Variants in NPAS3 observed in about 807,000 individuals in gnomAD.
The protein encoded by NPAS3 is neuronal PAS domain protein 3, also known as neuronal PAS domain-containing protein 3.
In NPAS3, 14 loss-of-function variants were observed where a neutral mutation model predicts 73.1. The ratio of observed to expected loss-of-function variants is 0.19; its 90% CI spans 0.13 to 0.30. NPAS3 has a LOEUF of 0.30. Among genes scored for constraint, NPAS3 ranks in the 10% least tolerant of loss-of-function variants. The pLI is 1.00. For missense variants in NPAS3, 1,096 were observed against 1,250.0 expected (o/e 0.88, Z 1.86); for synonymous variants, 620 against 541.5 (o/e 1.14, Z -2.01).
In NPAS3 at chr14:33,220,565, T is replaced by A. The variant is rs75451706; in HGVS notation, c.385+5139T>A. The stretch of plus-strand genomic sequence containing the variant: ...CATGATAGGACAAGCAATGTTTATA[T>A]CACCGCATTTCCCAAGGACTATCAT... On this transcript the variant is annotated intron_variant, in intron 3 of 11. Coordinates refer to ENST00000356141, the Ensembl canonical transcript of NPAS3. 7.1e-3 allele frequency among the ~76,000 whole-genome samples: 1,080 copies of A among 152,320 alleles called. 14 individuals are homozygous for A. Among genetic ancestry groups the A allele is most frequent in the African/African-American group, 0.023 (968 of 41,558 alleles).
At chr14:33,092,436 G>A (rs943722214) in intron 2 of NPAS3, among the ~76,000 whole-genome samples, 5 of 152,248 alleles carry the variant, frequency 3.3e-5, no homozygotes, top group African/African-American at 1.2e-4. Flanking sequence ...TCTTCAAGGA[G>A]AACTACAAAC....
intron 11 of NPAS3, 23 bp downstream of exon 11, chr14:33,797,604 T>C (rs1459914446): frequency 6.2e-7 from 1 of 1,612,894 alleles, no homozygotes; most frequent in East Asian, 2.2e-5. Flanking sequence ...CTTTTCCATG[T>C]TCTTCAGTGA....
At chr14:33,151,001 A>G (rs1042246373) in intron 2 of NPAS3, among the ~76,000 whole-genome samples, 1 of 152,240 alleles carries the variant, frequency 6.6e-6, no homozygotes, top group South Asian at 2.1e-4. Context: ...CTAATACGAT[A>G]TTCCTTGATA....
chr14:33,704,628 T>A (rs529166569), intron 6 of NPAS3, among the ~76,000 whole-genome samples: 1 of 152,340 alleles, frequency 6.6e-6, no homozygotes, highest in South Asian at 2.1e-4. Context: ...AGTGTTTATA[T>A]CACCTGGGGA....
At chr14:33,780,629 A>G (rs1566533772) in intron 9 of NPAS3, 1 of 454,716 alleles carries the variant, frequency 2.2e-6, no homozygotes, top group East Asian at 7.0e-5. Flanking sequence ...TTTGATTTAC[A>G]GCTTGAAGAA....
At chr14:33,181,984 T>C (rs2045814276) in intron 2 of NPAS3, among the ~76,000 whole-genome samples, 1 of 152,020 alleles carries the variant, frequency 6.6e-6, no homozygotes, top group Admixed American at 6.5e-5. Context: ...CTTTGCTGGC[T>C]ACCCCACATA....
intron 7 of NPAS3, among the ~76,000 whole-genome samples, chr14:33,769,443 A>C (rs1348202637): frequency 6.6e-6 from 1 of 152,198 alleles, no homozygotes; most frequent in African/African-American, 2.4e-5. Flanking sequence ...CAGGCACAAA[A>C]ATTATGATAC....
At position 33,127,005 on chromosome 14, in the gene NPAS3, T is replaced by TTTG. The variant is rs1239524267; in HGVS notation, c.140+71011_140+71012insTTG. 1.1e-4 allele frequency among the ~76,000 whole-genome samples: 17 copies of TTTG among 152,244 alleles called. 1 individual carries two copies. Among genetic ancestry groups the TTTG allele is most frequent in the Admixed American group, 7.2e-4 (11 of 15,274 alleles). On this transcript the variant is annotated intron_variant, in intron 2 of 11. Coordinates refer to ENST00000356141, the Ensembl canonical transcript of NPAS3. The stretch of plus-strand genomic sequence containing the variant: ...AGAACTGTAGTAGTATTATTGAAGC[T>TTTG]ACCTGAATTTCCTAATTCCATCTCC...
chr14:33,462,010 T>C (rs558418556), intron 4 of NPAS3, among the ~76,000 whole-genome samples: 1 of 152,364 alleles, frequency 6.6e-6, no homozygotes, highest in Admixed American at 6.5e-5. Context: ...AAGTTCTTCC[T>C]GCCTTTCAGC....
At chr14:33,501,742 C>T (rs1317538503) in intron 4 of NPAS3, among the ~76,000 whole-genome samples, 3 of 151,682 alleles carry the variant, frequency 2.0e-5, no homozygotes, top group African/African-American at 7.3e-5. Flanking sequence ...GTATAGCCTG[C>T]AGCAGCTCAG....
chr14:33,708,320 AT>A (rs1171006813), intron 6 of NPAS3, among the ~76,000 whole-genome samples: 2 of 152,338 alleles, frequency 1.3e-5, no homozygotes, highest in East Asian at 3.9e-4. Flanking sequence ...AAAACCATGG[AT>A]AAAAGGGAGT....
intron 2 of NPAS3, among the ~76,000 whole-genome samples, chr14:33,112,881 A>G (rs71419939): frequency 0.44 from 67,371 of 151,968 alleles, 16,181 homozygotes; most frequent in South Asian, 0.62. Flanking sequence ...AGCTTTCTAC[A>G]TATGGCTAGC....
intron 1 of NPAS3, among the ~76,000 whole-genome samples, chr14:32,975,963 TC>T (rs1193461046): frequency 6.6e-6 from 1 of 151,658 alleles, no homozygotes; most frequent in East Asian, 1.9e-4. Flanking sequence ...GACTTTTTCT[TC>T]CTCTGGCCTC....
intron 1 of NPAS3, among the ~76,000 whole-genome samples, chr14:32,954,561 G>T (rs2036601669): frequency 6.6e-6 from 1 of 152,062 alleles, no homozygotes; most frequent in African/African-American, 2.4e-5. Context: ...TTGTTTTCTA[G>T]TTCATTCTTT....
intron 6 of NPAS3, among the ~76,000 whole-genome samples, chr14:33,729,115 C>A (rs1305635663): frequency 6.6e-6 from 1 of 152,186 alleles, no homozygotes; most frequent in Non-Finnish European, 1.5e-5. Flanking sequence ...CTTTCAATAT[C>A]TTTCTTACAG....
chr14:33,519,858 G>A (rs946740986), intron 4 of NPAS3, among the ~76,000 whole-genome samples: 9 of 152,066 alleles, frequency 5.9e-5, no homozygotes, highest in Non-Finnish European at 1.3e-4. Context: ...GACCCAAGGT[G>A]CCTTCCCTGA....
At chr14:33,539,340 A>C (rs750364935) in intron 4 of NPAS3, among the ~76,000 whole-genome samples, 15 of 152,048 alleles carry the variant, frequency 9.9e-5, no homozygotes, top group Non-Finnish European at 1.9e-4. Flanking sequence ...AACTCTTAAG[A>C]GGGAGGTGAT....
chr14:33,113,402 T>C (rs1440193387), intron 2 of NPAS3, among the ~76,000 whole-genome samples: 1 of 152,170 alleles, frequency 6.6e-6, no homozygotes, highest in East Asian at 1.9e-4. Flanking sequence ...TAAGTTGGAT[T>C]CCTAGGTATT....
chr14:33,574,995 A>G (rs2139841075), intron 5 of NPAS3, among the ~76,000 whole-genome samples: 1 of 152,284 alleles, frequency 6.6e-6, no homozygotes, highest in Admixed American at 6.5e-5. Context: ...ATGCTGAAGT[A>G]TCAGTAATGC....
Sources: gnomAD v4.1 joint callset for allele counts (sites outside exome capture counted in the v4.1 genomes callset) on GRCh38, gnomAD v4.1.1 for gene constraint, MANE v1.5 for transcripts, NCBI Gene and HGNC (gene_info 2026-07-23, HGNC 2026-07-21) for gene names.